The following DMD variants were observed in gnomAD, a reference collection of about 807,000 sequenced individuals.
The protein encoded by DMD is mutant dystrophin.
In DMD, 63 loss-of-function variants were observed where a neutral mutation model predicts 330.1. That is an observed-to-expected ratio of 0.19 (90% CI 0.16 to 0.24). The LOEUF is 0.24. DMD is among the 10% of genes least tolerant of loss of function. The pLI is 1.00. For synonymous variants in DMD, 1,223 were observed against 959.8 expected, an observed-to-expected ratio of 1.27 and a Z score of -5.07; for missense variants, 3,344 against 2,684.1, an observed-to-expected ratio of 1.25 and a Z score of -5.43.
chrX:32,678,595 C>T (rs956679899), intron 9 of DMD, among the ~76,000 whole-genome samples: 8 of 110,887 alleles, frequency 7.2e-5, no homozygotes, highest in African/African-American at 2.3e-4. Flanking sequence ...CAAAGGGCAA[C>T]TGTCCAGGCC....
chrX:32,804,493 A>C (rs1295673378), intron 7 of DMD, among the ~76,000 whole-genome samples: 1 of 111,321 alleles, frequency 9.0e-6, no homozygotes, highest in Non-Finnish European at 1.9e-5. Context: ...TACAGATAAA[A>C]CTCCCATCTC....
At chrX:32,966,376 A>T (rs1262998338) in intron 2 of DMD, among the ~76,000 whole-genome samples, 1 of 111,393 alleles carries the variant, frequency 9.0e-6, no homozygotes, top group African/African-American at 3.3e-5. Context: ...GGAGTGGAGG[A>T]GGAGTCCCAA....
At chrX:31,807,378 C>T (rs183878181) in intron 50 of DMD, among the ~76,000 whole-genome samples, 15 of 111,221 alleles carry the variant, frequency 1.3e-4, no homozygotes, top group African/African-American at 4.6e-4. Context: ...TATAGATTTT[C>T]CAGATCTACT....
intron 55 of DMD, among the ~76,000 whole-genome samples, chrX:31,582,898 A>G: frequency 8.9e-6 from 1 of 112,245 alleles, no homozygotes; most frequent in Non-Finnish European, 1.9e-5. Flanking sequence ...ATATGCATAA[A>G]AGAGAGAAGT....
chrX:32,220,263 C>G (rs2097127795), intron 43 of DMD, among the ~76,000 whole-genome samples: 2 of 111,655 alleles, frequency 1.8e-5, no homozygotes, highest in Non-Finnish European at 3.8e-5. Flanking sequence ...CCTCAAGGAC[C>G]TAATAAAAAT....
rs371586889 is a variant in DMD at position 31,518,919 on chromosome X, T to C, written c.8218-11466A>G. On this transcript the variant is annotated intron_variant, in intron 55 of 78. Transcript: ENST00000357033. ...TCCAGTGTCTTCCCCATCCATTAAA[T>C]ACAAAGCAAGTGACTTCTGACTTGG... is the stretch of plus-strand genomic sequence containing the variant. Among the ~76,000 whole-genome samples, 84 of 111,607 alleles carry C rather than the reference T, an allele frequency of 7.5e-4. No homozygotes were observed. The East Asian group carries it at 0.019, about 25-fold the overall frequency.
chrX:32,377,264 C>T (rs1405141550), intron 34 of DMD, among the ~76,000 whole-genome samples: 1 of 111,750 alleles, frequency 8.9e-6, no homozygotes, highest in Admixed American at 9.5e-5. Flanking sequence ...CTTTTAAATG[C>T]CATCATCAAG....
intron 2 of DMD, among the ~76,000 whole-genome samples, chrX:32,876,306 T>A (rs1004632292): frequency 1.8e-5 from 2 of 112,146 alleles, no homozygotes; most frequent in African/African-American, 6.5e-5. Flanking sequence ...TAATAAACTC[T>A]AAAATGGTTT....
At chrX:31,829,170 C>T (rs1167114120) in intron 49 of DMD, among the ~76,000 whole-genome samples, 1 of 111,408 alleles carries the variant, frequency 9.0e-6, no homozygotes, top group African/African-American at 3.3e-5. Flanking sequence ...GGGAGCTAAG[C>T]TATGAGGATA....
chrX:32,130,593 A>AGAT (rs1296049734), intron 44 of DMD, among the ~76,000 whole-genome samples: 5 of 111,660 alleles, frequency 4.5e-5, no homozygotes, highest in South Asian at 3.7e-4. Flanking sequence ...GATGCATGCC[A>AGAT]GATCTCTCCC....
chrX:32,815,598 T>A (rs1407657617), intron 6 of DMD, among the ~76,000 whole-genome samples: 9 of 106,408 alleles, frequency 8.5e-5, no homozygotes, highest in Non-Finnish European at 1.7e-4. Flanking sequence ...ATATATTGTA[T>A]CTCTAAGTGT....
chrX:31,209,331 G>A (rs1046606401), intron 65 of DMD, among the ~76,000 whole-genome samples, 167 bp downstream of exon 65: 3 of 111,672 alleles, frequency 2.7e-5, no homozygotes, highest in Non-Finnish European at 5.7e-5. Context: ...TTAACTCCTA[G>A]CTTATCAAAA....
chrX:33,330,288 A>G lies in DMD; in HGVS notation c.7+8971T>C, dbSNP rs777228483. ...GGGTGTGAGGCTGGAGATCAATTAA[A>G]TTGGAAGATGTTGAAATTGGATAAA... On this transcript the variant is annotated intron_variant, in intron 1 of 17. Transcript: ENST00000288447. Among the ~76,000 whole-genome samples the G allele has an allele frequency of 3.6e-5, 4 of 111,408 alleles. No individual in the cohort carries two copies. In the Admixed American group the frequency reaches 3.8e-4, roughly 11 times the overall value.
intron 16 of DMD, among the ~76,000 whole-genome samples, chrX:32,555,980 T>C (rs1325818514): frequency 1.8e-5 from 2 of 111,687 alleles, no homozygotes; most frequent in Admixed American, 1.9e-4. Context: ...GGGATCTAAT[T>C]AAACTAAAGA....
At chrX:31,752,755 C>G (rs1236887386) in intron 51 of DMD, among the ~76,000 whole-genome samples, 1 of 111,146 alleles carries the variant, frequency 9.0e-6, no homozygotes, top group Non-Finnish European at 1.9e-5. Context: ...TGCAGAAAAA[C>G]CATCTTCCCC....
At chrX:33,246,445 T>A (rs1417463936) in intron 1 of DMD, among the ~76,000 whole-genome samples, 1 of 111,587 alleles carries the variant, frequency 9.0e-6, no homozygotes, top group Non-Finnish European at 1.9e-5. Context: ...TGCCACCATT[T>A]CTAATTCTTC....
chrX:31,625,062 T>C (rs2078764629), intron 55 of DMD, among the ~76,000 whole-genome samples: 1 of 111,922 alleles, frequency 8.9e-6, no homozygotes, highest in Non-Finnish European at 1.9e-5. Flanking sequence ...TACCATGACA[T>C]CTCCGAGTCT....
intron 74 of DMD, among the ~76,000 whole-genome samples, chrX:31,158,876 A>T (rs2038479547): frequency 1.8e-5 from 2 of 112,183 alleles, no homozygotes; most frequent in Non-Finnish European, 3.8e-5. Context: ...GATGAGTTTT[A>T]AAAAGAGTCC....
In DMD at chrX:31,725,897, T is replaced by C. The variant is rs773699601; in HGVS notation, c.7660+3734A>G. 6.2e-5 allele frequency among the ~76,000 whole-genome samples: 7 copies of C among 112,520 alleles called. No individual in the cohort carries two copies. The East Asian group carries it at 2.0e-3, about 31-fold the overall frequency. On this transcript the variant is annotated intron_variant, in intron 52 of 78. Transcript: ENST00000357033. ...TTCACTGCTATGCAAGGTATTATGG[T>C]ATTATGCCTTGCAGTATTAACAGAC... is the stretch of plus-strand genomic sequence containing the variant.
Sources: allele counts gnomAD v4.1 joint callset (sites outside exome capture counted in the v4.1 genomes callset), GRCh38; gene constraint gnomAD v4.1.1; transcripts MANE v1.5; gene names NCBI Gene and HGNC (gene_info 2026-07-23, HGNC 2026-07-21).